Variants in PRKN observed in about 807,000 individuals in gnomAD.
PRKN encodes parkin RBR E3 ubiquitin protein ligase.
A neutral mutation model predicts 59.5 loss-of-function variants in PRKN; 56 were observed. The observed-to-expected ratio is 0.94, with a 90% CI of 0.76 to 1.18. PRKN has a LOEUF of 1.18. PRKN is among the 50% of genes most tolerant of loss of function. The pLI, the probability that PRKN is intolerant of heterozygous loss-of-function variation, is 0.00. For synonymous variants in PRKN, 250 were observed against 222.1 expected, an observed-to-expected ratio of 1.13 and a Z score of -1.12; for missense variants, 657 against 596.4, an observed-to-expected ratio of 1.10 and a Z score of -1.06.
intron 7 of PRKN, among the ~76,000 whole-genome samples, chr6:161,761,121 TG>T (rs1789182291): frequency 6.6e-6 from 1 of 152,274 alleles, no homozygotes; most frequent in South Asian, 2.1e-4. Flanking sequence ...TAAGGTATTA[TG>T]GCCAGTTAAT....
chr6:162,068,333 T>C (rs1289591550), intron 4 of PRKN, among the ~76,000 whole-genome samples: 1 of 152,212 alleles, frequency 6.6e-6, no homozygotes, highest in South Asian at 2.1e-4. Context: ...GCATTTCTTT[T>C]CTATTGCTGT....
At chr6:162,335,709 T>C (rs984081270) in intron 2 of PRKN, among the ~76,000 whole-genome samples, 18 of 152,154 alleles carry the variant, frequency 1.2e-4, no homozygotes, top group Non-Finnish European at 1.5e-4. Flanking sequence ...TCTCCTATTT[T>C]ATCGCTCACC....
At chr6:161,844,570 G>A (rs1793122474) in intron 6 of PRKN, among the ~76,000 whole-genome samples, 1 of 152,222 alleles carries the variant, frequency 6.6e-6, no homozygotes, top group Non-Finnish European at 1.5e-5. Flanking sequence ...CTGAGGAACT[G>A]AGTTTTTGTT....
intron 6 of PRKN, among the ~76,000 whole-genome samples, chr6:161,971,986 T>C (rs1780829263): frequency 6.6e-6 from 1 of 152,278 alleles, no homozygotes; most frequent in Admixed American, 6.5e-5. Flanking sequence ...TAAAAAGTTC[T>C]TTCTGGGCTG....
At chr6:161,638,479 T>C (rs1282275366) in intron 7 of PRKN, among the ~76,000 whole-genome samples, 1 of 152,132 alleles carries the variant, frequency 6.6e-6, no homozygotes, top group Non-Finnish European at 1.5e-5. Flanking sequence ...TATGAAGGCA[T>C]TATTTATCCC....
At chr6:162,374,063 C>G (rs775533960) in intron 2 of PRKN, among the ~76,000 whole-genome samples, 3 of 152,194 alleles carry the variant, frequency 2.0e-5, no homozygotes, top group Non-Finnish European at 4.4e-5. Flanking sequence ...CCTGATTACA[C>G]AGTTTACTCT....
In PRKN at chr6:162,120,210, C is replaced by T. The variant is rs150192321; in HGVS notation, c.535-66036G>A. Among the ~76,000 whole-genome samples the T allele has an allele frequency of 4.5e-4, 69 of 152,264 alleles. 2 individuals carry two copies. The highest frequency in any genetic ancestry group is 1.6e-3 in the African/African-American group (67 of 41,544). On this transcript the variant is annotated intron_variant, in intron 4 of 11. Transcript: ENST00000366898. ...GCAGAGACAAGGTTTCACCCTGTTGCTAAGGCTGGTATGGAACTCCTGGGC... is the reference window on the plus strand; with the variant it reads ...GCAGAGACAAGGTTTCACCCTGTTGTTAAGGCTGGTATGGAACTCCTGGGC...
chr6:162,268,488 T>C (rs1780232307), intron 2 of PRKN, among the ~76,000 whole-genome samples: 2 of 152,232 alleles, frequency 1.3e-5, no homozygotes, highest in Non-Finnish European at 2.9e-5. Flanking sequence ...GTCTCAGGTA[T>C]TTTGTTATAG....
intron 5 of PRKN, among the ~76,000 whole-genome samples, chr6:161,979,580 C>T (rs1615717): frequency 0.36 from 55,427 of 152,002 alleles, 10,528 homozygotes; most frequent in South Asian, 0.51. Context: ...GGACCGTTTT[C>T]CACTTCATTA....
intron 2 of PRKN, among the ~76,000 whole-genome samples, chr6:162,345,946 G>A (rs894947371): frequency 7.9e-5 from 12 of 152,246 alleles, no homozygotes; most frequent in African/African-American, 2.9e-4. Context: ...AAGGCCATCA[G>A]AGTGGGGCCC....
intron 1 of PRKN, among the ~76,000 whole-genome samples, chr6:162,608,677 A>G (rs68045643): frequency 0.12 from 18,564 of 152,242 alleles, 1,241 homozygotes; most frequent in Middle Eastern, 0.2. Flanking sequence ...GTAAACATTC[A>G]TGACTTGAAG....
chr6:162,382,243 A>G (rs1786530456), intron 2 of PRKN, among the ~76,000 whole-genome samples: 1 of 150,592 alleles, frequency 6.6e-6, no homozygotes, highest in Non-Finnish European at 1.5e-5. Flanking sequence ...AATAATATTA[A>G]TCTCACAAAA....
At chr6:162,629,098 G>T (rs145552123) in intron 1 of PRKN, among the ~76,000 whole-genome samples, 7 of 152,142 alleles carry the variant, frequency 4.6e-5, no homozygotes, top group Admixed American at 4.6e-4. Flanking sequence ...GTTCCCTACT[G>T]CCCCAATTCA....
intron 1 of PRKN, among the ~76,000 whole-genome samples, chr6:162,540,884 G>T (rs931875851): frequency 1.1e-4 from 17 of 151,810 alleles, no homozygotes; most frequent in Non-Finnish European, 2.4e-4. Flanking sequence ...TATCTGTCAC[G>T]TGTCATTCTC....
chr6:161,608,262 G>A lies in PRKN; in HGVS notation c.872-38846C>T, dbSNP rs565315930. Among the ~76,000 whole-genome samples the A allele has an allele frequency of 5.3e-5, 8 of 152,110 alleles. No individual in the cohort carries two copies. In the South Asian group the frequency reaches 1.0e-3, roughly 20 times the overall value. ...GAAAGTTTGGGGCTGAATTAATGAC[G>A]ACTTTACCCAAACCCAAGTGAACAA... On this transcript the variant is annotated intron_variant, in intron 7 of 11. Transcript: ENST00000366898.
intron 6 of PRKN, among the ~76,000 whole-genome samples, chr6:161,822,894 C>T (rs537300351): frequency 1.3e-5 from 2 of 152,160 alleles, no homozygotes; most frequent in East Asian, 3.9e-4. Flanking sequence ...TTTTAATTGG[C>T]TTGTTTACTT....
chr6:161,939,298 A>C (rs2128242609), intron 6 of PRKN, among the ~76,000 whole-genome samples: 1 of 151,448 alleles, frequency 6.6e-6, no homozygotes, highest in East Asian at 2.0e-4. Context: ...CATGCCCATA[A>C]TCTCAGCTAC....
intron 1 of PRKN, among the ~76,000 whole-genome samples, chr6:162,677,134 G>A (rs1358960786): frequency 6.7e-6 from 1 of 150,090 alleles, no homozygotes; most frequent in African/African-American, 2.5e-5. Flanking sequence ...AAAAACACTG[G>A]AGAACTTAAA....
chr6:162,381,717 C>G (rs1415709033), intron 2 of PRKN, among the ~76,000 whole-genome samples: 1 of 152,116 alleles, frequency 6.6e-6, no homozygotes, highest in Middle Eastern at 3.2e-3. Flanking sequence ...TTTACCATTA[C>G]GCACTTTTTT....
Sources: gnomAD v4.1 joint callset for allele counts (sites outside exome capture counted in the v4.1 genomes callset) on GRCh38, gnomAD v4.1.1 for gene constraint, MANE v1.5 for transcripts, NCBI Gene and HGNC (gene_info 2026-07-23, HGNC 2026-07-21) for gene names.